The following GRIK1 variants were observed in gnomAD, a reference collection of about 807,000 sequenced individuals.
The protein encoded by GRIK1 is glutamate receptor ionotropic, kainate 1.
Under a neutral mutation model 105.7 loss-of-function variants are expected in GRIK1, and 69 were observed. The observed-to-expected ratio is 0.65, with a 90% confidence interval of 0.54 to 0.80. GRIK1 has a LOEUF of 0.80. GRIK1 is among the 30% of genes least tolerant of loss of function. GRIK1 has a pLI of 0.00. For missense variants in GRIK1, 1,109 were observed against 1,167.3 expected, an observed-to-expected ratio of 0.95 and a Z score of 0.73; for synonymous variants, 438 against 431.3, an observed-to-expected ratio of 1.02 and a Z score of -0.19.
intron 1 of GRIK1, among the ~76,000 whole-genome samples, chr21:29,869,778 A>G (rs566499384): frequency 6.6e-6 from 1 of 152,300 alleles, no homozygotes; most frequent in East Asian, 1.9e-4. Context: ...GGAAAACATA[A>G]ACAAACATTA....
At chr21:29,848,767 A>ATT (rs1250919131) in intron 1 of GRIK1, among the ~76,000 whole-genome samples, 1 of 93,464 alleles carries the variant, frequency 1.1e-5, no homozygotes, top group African/African-American at 6.0e-5. Context: ...ATATATATAT[A>ATT]TATATATATA....
At chr21:29,670,942 G>A (rs142405544) in intron 4 of GRIK1, among the ~76,000 whole-genome samples, 98 of 152,242 alleles carry the variant, frequency 6.4e-4, no homozygotes, top group African/African-American at 2.1e-3. Flanking sequence ...TAACTATAAC[G>A]TAGAATTAAG....
At position 29,620,770 on chromosome 21, in the gene GRIK1, C is replaced by CATAT. The variant is rs200139967; in HGVS notation, c.1099-21837_1099-21834dup. On this transcript the variant is annotated intron_variant, in intron 7 of 17. Coordinates refer to ENST00000327783, the MANE Select transcript of GRIK1 (RefSeq NM_001330994.2). ...TAAGTTACATAAATGGTATGAAAGT[C>CATAT]ATATATATATAGATATATATATCTA... Among the ~76,000 whole-genome samples the CATAT allele has an allele frequency of 2.0e-3, 237 of 117,316 alleles. 1 individual carries two copies. The highest frequency in any genetic ancestry group is 7.4e-3 in the African/African-American group (188 of 25,276). 77.0% of individuals were successfully genotyped at this position (117,316 alleles called of 152,430 possible). A position where few individuals can be genotyped will look rare whatever the true frequency, so the allele number is the denominator to read the frequency against.
At chr21:29,546,954 CT>C (rs1217314077) in intron 16 of GRIK1, among the ~76,000 whole-genome samples, 5 of 152,220 alleles carry the variant, frequency 3.3e-5, no homozygotes, top group African/African-American at 1.2e-4. Context: ...CTCTTTATTT[CT>C]CCTTGTCTGT....
Position 29,570,061 on chromosome 21 carries a change from C to T in GRIK1, c.2130+6903G>A, listed in dbSNP as rs147125118. Among the ~76,000 whole-genome samples, 817 of 152,028 alleles carry T rather than the reference C, an allele frequency of 5.4e-3. 3 individuals carry two copies. The highest frequency in any genetic ancestry group is 8.6e-3 in the Non-Finnish European group (585 of 67,966). Reference sequence around the variant, plus strand: ...GGTGGTGGTCCCAGGGAGTTGGGAGCGAAGGAAATCCTGTACTGTTCAGAC... The same window carrying T: ...GGTGGTGGTCCCAGGGAGTTGGGAGTGAAGGAAATCCTGTACTGTTCAGAC... On this transcript the variant is annotated intron_variant, in intron 14 of 17. Coordinates refer to ENST00000327783, the MANE Select transcript of GRIK1 (RefSeq NM_001330994.2).
intron 1 of GRIK1, among the ~76,000 whole-genome samples, chr21:29,897,092 A>G (rs2070196155): frequency 6.6e-6 from 1 of 152,196 alleles, no homozygotes; most frequent in Non-Finnish European, 1.5e-5. Flanking sequence ...TCCTGTGTGC[A>G]TGTGTGTGTG....
chr21:29,651,375 C>T (rs1364553163), intron 5 of GRIK1, 84 bp from the exon 6 acceptor site: 1 of 841,096 alleles, frequency 1.2e-6, no homozygotes, highest in East Asian at 2.9e-5. Context: ...ATTGTAGCAC[C>T]AACTAATACA....
intron 1 of GRIK1, among the ~76,000 whole-genome samples, chr21:29,817,841 A>G (rs1240361926): frequency 6.6e-6 from 1 of 152,150 alleles, no homozygotes; most frequent in African/African-American, 2.4e-5. Context: ...AGAACCTGTT[A>G]TGTGCCCAAT....
chr21:29,833,522 T>C (rs1282174465), intron 1 of GRIK1, among the ~76,000 whole-genome samples: 2 of 152,064 alleles, frequency 1.3e-5, no homozygotes, highest in African/African-American at 4.8e-5. Context: ...ACCATACAAT[T>C]GTGGTAGAAG....
At chr21:29,832,791 T>C (rs1025716695) in intron 1 of GRIK1, among the ~76,000 whole-genome samples, 4 of 152,200 alleles carry the variant, frequency 2.6e-5, no homozygotes, top group Non-Finnish European at 5.9e-5. Flanking sequence ...GCCATTAACT[T>C]TGACTTCTTT....
At chr21:29,537,513 G>T in intron 17 of GRIK1, 128 bp from the exon 18 acceptor site, 1 of 745,290 alleles carries the variant, frequency 1.3e-6, no homozygotes, top group Non-Finnish European at 2.2e-6. Flanking sequence ...CAATTGGCCA[G>T]TTCCCATCAC....
intron 1 of GRIK1, among the ~76,000 whole-genome samples, chr21:29,769,660 G>A (rs1056901686): frequency 2.0e-5 from 3 of 152,062 alleles, no homozygotes; most frequent in Admixed American, 6.6e-5. Context: ...TGTTGTGAGC[G>A]GTTCCTAACA....
At chr21:29,705,508 T>C (rs2063887953) in intron 1 of GRIK1, among the ~76,000 whole-genome samples, 1 of 152,250 alleles carries the variant, frequency 6.6e-6, no homozygotes, top group Non-Finnish European at 1.5e-5. Flanking sequence ...TAAGAAACAC[T>C]TTTTGAAAAG....
At chr21:29,655,981 A>G (rs770913554) in intron 4 of GRIK1, among the ~76,000 whole-genome samples, 10 of 152,176 alleles carry the variant, frequency 6.6e-5, no homozygotes, top group African/African-American at 1.2e-4. Flanking sequence ...TCTAAATATG[A>G]ATAAGGATAT....
chr21:29,673,349 G>A (rs542369901), intron 3 of GRIK1, among the ~76,000 whole-genome samples, 185 bp from the exon 4 acceptor site: 1 of 152,184 alleles, frequency 6.6e-6, no homozygotes, highest in Non-Finnish European at 1.5e-5. Flanking sequence ...TTCCCTTTGT[G>A]GGTGTGTGTG....
chr21:29,880,400 A>G (rs1039529041), intron 1 of GRIK1, among the ~76,000 whole-genome samples: 1 of 152,040 alleles, frequency 6.6e-6, no homozygotes, highest in Non-Finnish European at 1.5e-5. Flanking sequence ...GCAAATTCCA[A>G]TTTCCTATGA....
intron 7 of GRIK1, among the ~76,000 whole-genome samples, chr21:29,641,299 T>C (rs565705497): frequency 1.5e-4 from 23 of 152,312 alleles, no homozygotes; most frequent in African/African-American, 5.5e-4. Flanking sequence ...CTTCCCATGC[T>C]GTTCTCGTGA....
intron 1 of GRIK1, among the ~76,000 whole-genome samples, chr21:29,804,808 G>A (rs528859201): frequency 8.9e-4 from 135 of 152,264 alleles, no homozygotes; most frequent in African/African-American, 3.0e-3. Flanking sequence ...TTATACATAA[G>A]TGTCATTAAA....
chr21:29,719,413 G>A (rs1383169065), intron 1 of GRIK1, among the ~76,000 whole-genome samples: 1 of 151,956 alleles, frequency 6.6e-6, no homozygotes, highest in Admixed American at 6.6e-5. Context: ...CATCAATAAA[G>A]TAACTTTTCA....
Sources: allele counts gnomAD v4.1 joint callset (sites outside exome capture counted in the v4.1 genomes callset), GRCh38; gene constraint gnomAD v4.1.1; transcripts MANE v1.5; gene names NCBI Gene and HGNC (gene_info 2026-07-23, HGNC 2026-07-21).